The following CCDC144A variants were observed in gnomAD, a reference collection of about 807,000 sequenced individuals.
CCDC144A encodes coiled-coil domain-containing protein 144A.
CCDC144A carries 41 observed loss-of-function variants against 143.8 expected under a neutral mutation model. The ratio of observed to expected loss-of-function variants is 0.29; its 90% CI spans 0.22 to 0.37. The LOEUF is 0.37. CCDC144A is among the 10% of genes least tolerant of loss of function. CCDC144A has a pLI of 1.00. For missense variants in CCDC144A, 637 were observed against 1,488.8 expected (o/e 0.43, Z 9.41); for synonymous variants, 242 against 517.9 (o/e 0.47, Z 7.23).
chr17:16,702,477 CT>C (rs1911788828), intron 2 of CCDC144A, among the ~76,000 whole-genome samples: 1 of 152,208 alleles, frequency 6.6e-6, no homozygotes, highest in African/African-American at 2.4e-5. Flanking sequence ...CCCTTGAGCT[CT>C]TCTCCACTGG....
At chr17:16,684,116 TG>T in the CCDC144A span, 8 of 1,122,662 alleles carry the variant, frequency 7.1e-6, no homozygotes, top group Non-Finnish European at 1.1e-5. Flanking sequence ...TATAACTAAC[TG>T]GGTTCAAGGT....
chr17:16,670,388 A>G, the CCDC144A span, among the ~76,000 whole-genome samples: 1 of 149,010 alleles, frequency 6.7e-6, no homozygotes, highest in South Asian at 2.2e-4. Flanking sequence ...CCCGGGTTCA[A>G]GTCATTCTCC....
intron 8 of CCDC144A, among the ~76,000 whole-genome samples, chr17:16,724,381 C>CA (rs1913266448): frequency 6.6e-6 from 1 of 151,836 alleles, no homozygotes; most frequent in African/African-American, 2.4e-5. Context: ...ACTAAAAATA[C>CA]AAAAAATTAG....
At chr17:16,685,367 T>G (rs1029651366), upstream of CCDC144A, among the ~76,000 whole-genome samples, 1 of 151,532 alleles carries the variant, frequency 6.6e-6, no homozygotes, top group African/African-American at 2.4e-5. Context: ...TCCAACGCCG[T>G]TTTTTGTTGT....
chr17:16,745,810 G>T (rs1914474038), intron 12 of CCDC144A: 3 of 1,609,920 alleles, frequency 1.9e-6, no homozygotes, highest in Non-Finnish European at 2.5e-6. Flanking sequence ...TCACACCTCT[G>T]CGCTCTTCCC....
chr17:16,667,151 G>A, the CCDC144A span: 1 of 156,410 alleles, frequency 6.4e-6, no homozygotes, highest in East Asian at 1.9e-4. Context: ...AAAACCGGCA[G>A]GAGGCTGCGC....
the CCDC144A span, among the ~76,000 whole-genome samples, chr17:16,676,816 G>C: frequency 1.3e-5 from 2 of 151,958 alleles, no homozygotes; most frequent in African/African-American, 4.8e-5. Context: ...CCCCCTCACT[G>C]TTCTGTGATT....
chr17:16,758,158 C>T (rs1915186089), intron 12 of CCDC144A, among the ~76,000 whole-genome samples: 1 of 152,240 alleles, frequency 6.6e-6, no homozygotes, highest in Non-Finnish European at 1.5e-5. Context: ...TTAAAACCTG[C>T]ACAATTGACC....
chr17:16,752,918 C>G (rs1173211882), intron 12 of CCDC144A, among the ~76,000 whole-genome samples: 1 of 93,994 alleles, frequency 1.1e-5, no homozygotes, highest in Non-Finnish European at 2.1e-5. Context: ...CGGGTTTGAG[C>G]TGTGCCTCTG....
chr17:16,675,282 A>T, the CCDC144A span, among the ~76,000 whole-genome samples: 2 of 151,896 alleles, frequency 1.3e-5, no homozygotes, highest in Admixed American at 1.3e-4. Flanking sequence ...AAAAAAAAAA[A>T]AAAGTGGATT....
Position 16,720,650 on chromosome 17 carries a change from A to G in CCDC144A, c.1883A>G (p.Glu628Gly). Residue 628 changes from glutamate to glycine, a missense_variant, in exon 8 of 17, where the codon GAG becomes GGG. Physicochemically the swap from Glu to Gly is moderately conservative, Grantham distance 98. Transcript: ENST00000399273. Reference protein sequence around the residue: ...FMLLIEQLRMEYKDSASLPRI... With the variant: ...FMLLIEQLRMGYKDSASLPRI... ...TTGCTGATTGAACAACTTAGAATGG[A>G]GTATAAAGGTAGGACCACTGCATAA... The G allele has an allele frequency of 6.6e-7, 1 of 1,525,038 alleles. No homozygotes were observed. The highest frequency in any genetic ancestry group is 8.8e-7 in the Non-Finnish European group (1 of 1,142,264). The allele number at this position is 1,525,038 out of a possible 1,614,324, so 94.5% of individuals were successfully genotyped here.
intron 12 of CCDC144A, among the ~76,000 whole-genome samples, chr17:16,738,190 A>C (rs1914107260): frequency 1.3e-5 from 2 of 149,408 alleles, no homozygotes; most frequent in African/African-American, 2.5e-5. Context: ...TTAATTTACA[A>C]ACTACTTGAA....
chr17:16,734,120 A>G (rs924386200), intron 11 of CCDC144A, among the ~76,000 whole-genome samples: 6 of 143,930 alleles, frequency 4.2e-5, no homozygotes, highest in African/African-American at 1.3e-4. Flanking sequence ...AACCTGAGTG[A>G]TGGAGTGGAG....
upstream of CCDC144A, among the ~76,000 whole-genome samples, chr17:16,686,855 T>C (rs1910803870): frequency 6.6e-6 from 1 of 151,814 alleles, no homozygotes; most frequent in African/African-American, 2.4e-5. Context: ...CTGTGACTGA[T>C]GGCCTCAGGG....
rs1223449393 is a variant in CCDC144A at position 16,775,103 on chromosome 17, A to G, written c.*1470A>G. 6.6e-6 allele frequency: 1 copy of G among 152,102 alleles called. No individual in the cohort carries two copies. The highest frequency in any genetic ancestry group is 1.5e-5 in the Non-Finnish European group (1 of 68,046). 9.4% of individuals were successfully genotyped at this position (152,102 alleles called of 1,614,324 possible). ...TATATGTACCACATTTTCTTTATCC[A>G]GTTTATCATTGATGGGCTTTTAGGT... is the stretch of plus-strand genomic sequence containing the variant. On this transcript the variant is annotated 3_prime_UTR_variant, in exon 17 of 17. Coordinates refer to ENST00000399273, the MANE Select transcript of CCDC144A (RefSeq NM_001382000.1).
At chr17:16,728,374 C>T (rs938925217) in intron 9 of CCDC144A, among the ~76,000 whole-genome samples, 1 of 152,136 alleles carries the variant, frequency 6.6e-6, no homozygotes, top group African/African-American at 2.4e-5. Flanking sequence ...TTTCTACATT[C>T]CTAAACTGTT....
At chr17:16,742,247 C>A (rs1236328507) in intron 12 of CCDC144A, among the ~76,000 whole-genome samples, 1 of 152,166 alleles carries the variant, frequency 6.6e-6, no homozygotes, top group Non-Finnish European at 1.5e-5. Flanking sequence ...ACCCACAGTT[C>A]TACTCTCTAC....
chr17:16,749,778 G>A (rs1388425107), intron 12 of CCDC144A, among the ~76,000 whole-genome samples: 2 of 152,186 alleles, frequency 1.3e-5, no homozygotes, highest in Non-Finnish European at 2.9e-5. Flanking sequence ...CTCCAGTGTT[G>A]GGTGGGTATG....
At chr17:16,761,144 G>A (rs1287920707) in intron 12 of CCDC144A, among the ~76,000 whole-genome samples, 5 of 151,414 alleles carry the variant, frequency 3.3e-5, no homozygotes, top group Admixed American at 6.6e-5. Context: ...TGGCTAACAC[G>A]GTGAAACCCC....
Sources: gnomAD v4.1 joint callset for allele counts (sites outside exome capture counted in the v4.1 genomes callset) on GRCh38, gnomAD v4.1.1 for gene constraint, MANE v1.5 for transcripts, NCBI Gene and HGNC (gene_info 2026-07-23, HGNC 2026-07-21) for gene names.